The following NELL1 variants were observed in gnomAD, a reference collection of about 807,000 sequenced individuals.
NELL1 encodes neural EGFL like 1.
Under a neutral mutation model 107.4 loss-of-function variants are expected in NELL1, and 76 were observed. The ratio of observed to expected loss-of-function variants is 0.71; its 90% CI spans 0.59 to 0.86. The LOEUF (loss-of-function observed/expected upper bound fraction) is 0.86. Among genes scored for constraint, NELL1 ranks in the 40% least tolerant of loss-of-function variants. NELL1 has a pLI of 0.00. For synonymous variants in NELL1, 353 were observed against 341.2 expected (o/e 1.03, Z -0.38); for missense variants, 1,024 against 1,005.5 (o/e 1.02, Z -0.25).
chr11:20,707,022 T>C (rs1330425389), intron 2 of NELL1, among the ~76,000 whole-genome samples: 4 of 152,218 alleles, frequency 2.6e-5, no homozygotes, highest in Admixed American at 2.6e-4. Context: ...GTAGACTTGG[T>C]CTTTTCACAT....
intron 3 of NELL1, among the ~76,000 whole-genome samples, chr11:20,810,589 T>C (rs1021279770): frequency 7.2e-5 from 11 of 152,234 alleles, no homozygotes; most frequent in African/African-American, 2.7e-4. Context: ...ATAATATATA[T>C]ACCATAGTTT....
At chr11:21,474,511 G>T (rs1337427110) in intron 15 of NELL1, among the ~76,000 whole-genome samples, 1 of 152,028 alleles carries the variant, frequency 6.6e-6, no homozygotes, top group Non-Finnish European at 1.5e-5. Context: ...GGAAAATATT[G>T]TTATCTCCAT....
intron 2 of NELL1, among the ~76,000 whole-genome samples, chr11:20,755,559 T>TTTATTTTTTTTTTTTTA: frequency 5.7e-5 from 1 of 17,686 alleles, no homozygotes; most frequent in East Asian, 1.2e-3. Flanking sequence ...TGTTTTTGTT[T>TTTATTTTTTTTTTTTTA]TTGTTTTTTT....
In NELL1 at chr11:21,408,876, A is replaced by G. The variant is rs989973968; in HGVS notation, c.1645+37928A>G. Among the ~76,000 whole-genome samples the G allele has an allele frequency of 2.4e-4, 36 of 152,144 alleles. 1 individual carries two copies. The highest frequency in any genetic ancestry group is 7.7e-4 in the African/African-American group (32 of 41,528). ...CAGAGAAATGCAAATCAAAACCACA[A>G]TGAGATACCATCTCACACCAATTAG... On this transcript the variant is annotated intron_variant, in intron 15 of 19. Transcript: ENST00000357134.
intron 12 of NELL1, among the ~76,000 whole-genome samples, chr11:20,974,242 G>C (rs982329326): frequency 4.6e-5 from 7 of 152,124 alleles, no homozygotes; most frequent in African/African-American, 1.7e-4. Flanking sequence ...TGTTTGATAA[G>C]TTTTTCTTGC....
At chr11:21,428,105 C>A (rs1852874497) in intron 15 of NELL1, among the ~76,000 whole-genome samples, 1 of 152,090 alleles carries the variant, frequency 6.6e-6, no homozygotes, top group African/African-American at 2.4e-5. Flanking sequence ...ATGGATTTTT[C>A]AGAGAACACG....
chr11:21,408,677 T>C (rs1299833047), intron 15 of NELL1, among the ~76,000 whole-genome samples: 1 of 152,026 alleles, frequency 6.6e-6, no homozygotes, highest in Non-Finnish European at 1.5e-5. Flanking sequence ...TTTAATTAGA[T>C]CCCATTTGTC....
At chr11:20,673,075 T>C (rs1853960709) in intron 1 of NELL1, among the ~76,000 whole-genome samples, 1 of 150,934 alleles carries the variant, frequency 6.6e-6, no homozygotes, top group Admixed American at 6.7e-5. Flanking sequence ...TTGGTCAGGC[T>C]GGTCTCGAAC....
At chr11:20,676,632 C>G (rs1366342535) in intron 1 of NELL1, among the ~76,000 whole-genome samples, 3 of 152,152 alleles carry the variant, frequency 2.0e-5, no homozygotes, top group African/African-American at 2.4e-5. Context: ...TGACAGAAGC[C>G]TAGCAGGTCC....
At chr11:21,193,482 T>C (rs562023207) in intron 13 of NELL1, among the ~76,000 whole-genome samples, 1 of 151,978 alleles carries the variant, frequency 6.6e-6, no homozygotes, top group African/African-American at 2.4e-5. Flanking sequence ...AATCAATAAA[T>C]ATTTAAAATT....
At chr11:20,922,760 A>G (rs1351887228) in intron 7 of NELL1, among the ~76,000 whole-genome samples, 1 of 152,068 alleles carries the variant, frequency 6.6e-6, no homozygotes, top group East Asian at 1.9e-4. Flanking sequence ...CTGAGTCACT[A>G]TTTTATAATT....
chr11:21,283,425 A>T (rs1236319259), intron 14 of NELL1, among the ~76,000 whole-genome samples: 2 of 152,306 alleles, frequency 1.3e-5, no homozygotes, highest in Non-Finnish European at 2.9e-5. Context: ...GGACCAAGAG[A>T]AAACAGGACA....
chr11:20,989,144 G>A (rs1325749709), intron 12 of NELL1, among the ~76,000 whole-genome samples: 10 of 152,134 alleles, frequency 6.6e-5, no homozygotes, highest in Admixed American at 2.0e-4. Flanking sequence ...CCAAGTCTTC[G>A]TGATGCAGAA....
rs138078936 is a variant in NELL1 at position 21,540,662 on chromosome 11, G to A, written c.1786+6148G>A. Among the ~76,000 whole-genome samples the A allele has an allele frequency of 2.4e-4, 37 of 152,110 alleles. 1 individual carries two copies. The East Asian group carries it at 6.6e-3, about 27-fold the overall frequency. On this transcript the variant is annotated intron_variant, in intron 16 of 19. Transcript: ENST00000357134. ...CTGGAGCTGGAGGAAGAGAGTGAAG[G>A]GGGGAGGTACTATGTACTTTTCAAC...
chr11:21,046,488 C>T (rs1388039730), intron 12 of NELL1, among the ~76,000 whole-genome samples: 1 of 152,004 alleles, frequency 6.6e-6, no homozygotes, highest in African/African-American at 2.4e-5. Context: ...ACTGCAAGAC[C>T]TTCGTTTATA....
intron 16 of NELL1, among the ~76,000 whole-genome samples, chr11:21,554,322 T>C (rs540455745): frequency 2.1e-4 from 32 of 151,922 alleles, no homozygotes; most frequent in African/African-American, 7.5e-4. Context: ...AAGAAAATTA[T>C]GTTTTTCAAC....
intron 12 of NELL1, among the ~76,000 whole-genome samples, chr11:21,103,277 C>A (rs1162786712): frequency 1.3e-5 from 2 of 152,158 alleles, no homozygotes; most frequent in Non-Finnish European, 2.9e-5. Context: ...AAAGCCTGTT[C>A]ACTCTATTTT....
At chr11:20,957,297 A>G (rs560418864) in intron 11 of NELL1, among the ~76,000 whole-genome samples, 1 of 152,208 alleles carries the variant, frequency 6.6e-6, no homozygotes, top group African/African-American at 2.4e-5. Context: ...TTGCATTCCT[A>G]AAAGCTTAGG....
intron 16 of NELL1, among the ~76,000 whole-genome samples, chr11:21,546,526 T>G (rs1473623660): frequency 6.6e-6 from 1 of 151,948 alleles, no homozygotes; most frequent in Non-Finnish European, 1.5e-5. Context: ...GGGAGGGTTT[T>G]CCCTGCTACT....
Sources: gnomAD v4.1 joint callset for allele counts (sites outside exome capture counted in the v4.1 genomes callset) on GRCh38, gnomAD v4.1.1 for gene constraint, MANE v1.5 for transcripts, NCBI Gene and HGNC (gene_info 2026-07-23, HGNC 2026-07-21) for gene names.